SPIDR: variants seen among roughly 807,000 people sequenced by gnomAD.
The protein encoded by SPIDR is scaffold protein involved in DNA repair, also known as DNA repair-scaffolding protein.
SPIDR carries 93 observed loss-of-function variants against 104.6 expected under a neutral mutation model. The ratio of observed to expected loss-of-function variants is 0.89; its 90% CI spans 0.75 to 1.06. The LOEUF (loss-of-function observed/expected upper bound fraction) is 1.06, where lower values mean the gene tolerates loss of function less well. SPIDR is among the 50% of genes least tolerant of loss of function. The pLI is 0.00. For missense variants in SPIDR, 1,154 were observed against 1,111.2 expected, an observed-to-expected ratio of 1.04 and a Z score of -0.55; for synonymous variants, 431 against 416.9, an observed-to-expected ratio of 1.03 and a Z score of -0.41.
intron 16 of SPIDR, among the ~76,000 whole-genome samples, chr8:47,717,854 T>G (rs1455417481): frequency 6.6e-6 from 1 of 152,188 alleles, no homozygotes; most frequent in Non-Finnish European, 1.5e-5. Flanking sequence ...CAGTTCAGAT[T>G]CTTAAGCACC....
At chr8:47,582,182 T>C (rs556599394) in intron 8 of SPIDR, among the ~76,000 whole-genome samples, 2 of 149,304 alleles carry the variant, frequency 1.3e-5, no homozygotes, top group South Asian at 4.2e-4. Context: ...ATTGCAGCAC[T>C]GCACTCCAGC....
At chr8:47,589,142 T>C (rs2060679169) in intron 8 of SPIDR, among the ~76,000 whole-genome samples, 1 of 150,538 alleles carries the variant, frequency 6.6e-6, no homozygotes, top group South Asian at 2.1e-4. Context: ...GTGTGTAGAA[T>C]TGGTGCTAGT....
chr8:47,727,356 C>T, intron 17 of SPIDR, 63 bp downstream of exon 17: 1 of 1,498,784 alleles, frequency 6.7e-7, no homozygotes, highest in Non-Finnish European at 9.2e-7. Flanking sequence ...CAACCCAGCC[C>T]CAGAACCTGG....
At chr8:47,662,516 A>T (rs1296418461) in intron 10 of SPIDR, among the ~76,000 whole-genome samples, 1 of 151,930 alleles carries the variant, frequency 6.6e-6, no homozygotes, top group Non-Finnish European at 1.5e-5. Flanking sequence ...AGGGCAGTGG[A>T]CTCCCACTGG....
chr8:47,322,074 C>T (rs938589427), intron 5 of SPIDR, among the ~76,000 whole-genome samples: 5 of 152,116 alleles, frequency 3.3e-5, no homozygotes, highest in Non-Finnish European at 5.9e-5. Context: ...GCAATGGCAA[C>T]GAAAGCCAAA....
chr8:47,366,027 A>G (rs2057145806), intron 5 of SPIDR, among the ~76,000 whole-genome samples: 1 of 152,146 alleles, frequency 6.6e-6, no homozygotes, highest in Admixed American at 6.5e-5. Context: ...TACAGTGGGA[A>G]AGGTAAAATG....
chr8:47,320,674 T>G (rs1448005013), intron 5 of SPIDR, among the ~76,000 whole-genome samples: 2 of 152,164 alleles, frequency 1.3e-5, no homozygotes, highest in Admixed American at 6.5e-5. Context: ...ATATCCCTGA[T>G]GAACATGGAT....
chr8:47,689,362 G>A (rs2078291390), intron 11 of SPIDR, among the ~76,000 whole-genome samples: 2 of 152,210 alleles, frequency 1.3e-5, no homozygotes, highest in African/African-American at 4.8e-5. Context: ...ATTAACTTGA[G>A]TACCAAGGGA....
intron 5 of SPIDR, among the ~76,000 whole-genome samples, chr8:47,366,005 C>T (rs150226499): frequency 2.0e-5 from 3 of 152,046 alleles, no homozygotes; most frequent in African/African-American, 7.2e-5. Flanking sequence ...CACAAACACA[C>T]AGAGTTCCTG....
intron 5 of SPIDR, among the ~76,000 whole-genome samples, chr8:47,327,124 C>T (rs1554600773): frequency 2.0e-5 from 3 of 151,788 alleles, no homozygotes; most frequent in African/African-American, 7.3e-5. Context: ...CTTCTACCCA[C>T]TTAAAAAAAA....
intron 8 of SPIDR, among the ~76,000 whole-genome samples, chr8:47,446,494 C>G (rs1174834578): frequency 2.6e-5 from 4 of 152,094 alleles, no homozygotes; most frequent in Admixed American, 6.5e-5. Context: ...TTCATGACTG[C>G]TAACACAACA....
intron 18 of SPIDR, 127 bp downstream of exon 18, chr8:47,729,174 C>T: frequency 6.5e-7 from 1 of 1,530,534 alleles, no homozygotes; most frequent in Non-Finnish European, 8.7e-7. Context: ...GCTGGGATGG[C>T]TTGCATCTGG....
intron 7 of SPIDR, among the ~76,000 whole-genome samples, chr8:47,425,933 A>G (rs943884533): frequency 1.3e-5 from 2 of 152,134 alleles, no homozygotes; most frequent in African/African-American, 4.8e-5. Flanking sequence ...AGGTACCCGT[A>G]TTACTACCAG....
intron 1 of SPIDR, among the ~76,000 whole-genome samples, chr8:47,265,188 CTTTTTTTTT>C (rs397892978): frequency 1.8e-5 from 2 of 108,990 alleles, no homozygotes; most frequent in African/African-American, 7.6e-5. Flanking sequence ...TCTCAGTTGT[CTTTTTTTTT>C]TTTTTTTTTT....
intron 8 of SPIDR, among the ~76,000 whole-genome samples, chr8:47,493,024 A>AGC (rs1206507384): frequency 7.0e-6 from 1 of 142,970 alleles, no homozygotes; most frequent in African/African-American, 2.8e-5. Context: ...TTGGAGAGAG[A>AGC]GAGAGAGAGA....
At chr8:47,502,377 A>G (rs1177125312) in intron 8 of SPIDR, among the ~76,000 whole-genome samples, 4 of 152,144 alleles carry the variant, frequency 2.6e-5, no homozygotes, top group Non-Finnish European at 5.9e-5. Context: ...GGGAGGGTGT[A>G]TGTGTGCAGG....
At chr8:47,659,308 T>C (rs2073607100) in intron 10 of SPIDR, among the ~76,000 whole-genome samples, 1 of 152,230 alleles carries the variant, frequency 6.6e-6, no homozygotes, top group African/African-American at 2.4e-5. Context: ...TGGTTGTCAC[T>C]TTTAGCAAAG....
At chr8:47,360,456 A>G (rs1419577883) in intron 5 of SPIDR, among the ~76,000 whole-genome samples, 1 of 151,974 alleles carries the variant, frequency 6.6e-6, no homozygotes, top group South Asian at 2.1e-4. Flanking sequence ...TTTGTCATTG[A>G]TCTATTTTAA....
chr8:47,393,724 TTTCCTTTC>T (rs2060900879), intron 5 of SPIDR, among the ~76,000 whole-genome samples: 3 of 140,108 alleles, frequency 2.1e-5, no homozygotes, highest in Non-Finnish European at 4.7e-5. Flanking sequence ...TTTCCTTTCC[TTTCCTTTC>T]CTTCCTTTCA....
Sources: allele counts gnomAD v4.1 joint callset (sites outside exome capture counted in the v4.1 genomes callset), GRCh38; gene constraint gnomAD v4.1.1; transcripts MANE v1.5; gene names NCBI Gene and HGNC (gene_info 2026-07-23, HGNC 2026-07-21).